Variants in SKOR2 observed in about 807,000 individuals in gnomAD.
SKOR2 encodes the protein LBX1 corepressor 1-like protein.
SKOR2 carries 47 observed loss-of-function variants against 69.1 expected under a neutral mutation model. The ratio of observed to expected loss-of-function variants is 0.68; its 90% CI spans 0.54 to 0.87. The LOEUF (loss-of-function observed/expected upper bound fraction) is 0.87. Among genes scored for constraint, SKOR2 ranks in the 40% least tolerant of loss-of-function variants. SKOR2 has a pLI of 0.00. For missense variants in SKOR2, 1,404 were observed against 1,472.2 expected (o/e 0.95, Z 0.76); for synonymous variants, 717 against 672.6 (o/e 1.07, Z -1.02).
intron 4 of SKOR2, among the ~76,000 whole-genome samples, chr18:47,240,111 C>T (rs2064242497): frequency 6.6e-6 from 1 of 152,080 alleles, no homozygotes; most frequent in African/African-American, 2.4e-5. Flanking sequence ...ATATTAAGTA[C>T]ACTAGAGAAT....
At chr18:47,227,445 C>T (rs2064182726) in intron 6 of SKOR2, among the ~76,000 whole-genome samples, 1 of 140,270 alleles carries the variant, frequency 7.1e-6, no homozygotes, top group African/African-American at 2.7e-5. Flanking sequence ...TCAAGTGATT[C>T]TCCTGCTTCA....
At chr18:47,231,514 G>T (rs1310629429) in intron 4 of SKOR2, among the ~76,000 whole-genome samples, 1 of 152,038 alleles carries the variant, frequency 6.6e-6, no homozygotes, top group Non-Finnish European at 1.5e-5. Context: ...AGCCTGGAGG[G>T]GTTCCCTAAT....
intron 3 of SKOR2, 147 bp downstream of exon 3, chr18:47,245,350 CA>C (rs2064267078): frequency 1.3e-6 from 1 of 746,462 alleles, no homozygotes; most frequent in Non-Finnish European, 2.0e-6. Context: ...CTCTGATATT[CA>C]AAAACAAAAC....
intron 1 of SKOR2, among the ~76,000 whole-genome samples, chr18:47,249,531 G>A (rs1226161986): frequency 1.3e-5 from 2 of 152,214 alleles, no homozygotes; most frequent in African/African-American, 4.8e-5. Flanking sequence ...TATAGGAGCC[G>A]TTGGAATAAA....
intron 4 of SKOR2, among the ~76,000 whole-genome samples, chr18:47,235,780 C>CAAAAAAA (rs11433396): frequency 3.5e-4 from 21 of 59,258 alleles, no homozygotes; most frequent in South Asian, 8.0e-4. Context: ...CACAAACAAG[C>CAAAAAAA]AAAAAAAAAA....
rs534337365 is a variant in SKOR2 at position 47,245,361 on chromosome 18, C to T, written c.2677+137G>A. The T allele has an allele frequency of 6.2e-6, 5 of 803,438 alleles. No individual in the cohort carries two copies. In the South Asian group the frequency reaches 1.3e-4, roughly 20 times the overall value. 49.8% of individuals were successfully genotyped at this position (803,438 alleles called of 1,614,324 possible). A position where few individuals can be genotyped will look rare whatever the true frequency, so the allele number is the denominator to read the frequency against. On this transcript the variant is annotated intron_variant, in intron 3 of 8. Transcript: ENST00000425639. Reference sequence around the variant, plus strand: ...TAAACTCTGATATTCAAAAACAAAACCAAAAAAGAGCCCACAAATCAATGG... The same window carrying T: ...TAAACTCTGATATTCAAAAACAAAATCAAAAAAGAGCCCACAAATCAATGG...
At position 47,247,919 on chromosome 18, in the gene SKOR2, T is replaced by C. The variant is rs1176540515; in HGVS notation, c.1265A>G (p.His422Arg). 5.1e-6 allele frequency: 7 copies of C among 1,366,876 alleles called. No homozygotes were observed. Among genetic ancestry groups the C allele is most frequent in the African/African-American group, 4.6e-5 (3 of 64,840 alleles). The allele number at this position is 1,366,876 out of a possible 1,614,324, so 84.7% of individuals were successfully genotyped here. Residue 422 changes from histidine (H) to arginine (R), a missense_variant, in exon 2 of 9, where the codon CAT becomes CGT. Coordinates refer to ENST00000425639, the MANE Select transcript of SKOR2 (RefSeq NM_001278063.4). The surrounding 1 kb of genome is among the most constrained non-coding windows in gnomAD (Gnocchi z 6.6). ...GGCGGCACCCGCATCCTCTTTCTTA[T>C]GGCACAAGCTGAAGGCGGCGGCCGC... ...PAAAAAFSLC[H>R]KKEDAGAAAE...
chr18:47,238,337 T>A (rs2064234516), intron 4 of SKOR2, among the ~76,000 whole-genome samples: 1 of 148,264 alleles, frequency 6.7e-6, no homozygotes. Flanking sequence ...TTTTTTTTTT[T>A]TTTGAGAGGG....
chr18:47,240,840 C>T (rs993037823), intron 4 of SKOR2, among the ~76,000 whole-genome samples: 2 of 152,084 alleles, frequency 1.3e-5, no homozygotes, highest in African/African-American at 2.4e-5. Flanking sequence ...ATGGTTGCCA[C>T]GGGAGTGAAA....
At chr18:47,225,050 A>G (rs77067328) in intron 6 of SKOR2, among the ~76,000 whole-genome samples, 1,858 of 152,276 alleles carry the variant, frequency 0.012, 18 homozygotes, top group Non-Finnish European at 0.021. Flanking sequence ...AAAAAGAAAG[A>G]AGAAGGAAGG....
In SKOR2 at chr18:47,221,693, C is replaced by G. The variant is rs76280280; in HGVS notation, c.2918-1683G>C. On this transcript the variant is annotated intron_variant, in intron 6 of 8. Coordinates refer to ENST00000425639, the MANE Select transcript of SKOR2 (RefSeq NM_001278063.4). ...TTTACCCATTTTTTTTTGTACTTCT[C>G]CAGCACCCTGTCCATACCTGTATTA... Among the ~76,000 whole-genome samples, 101 of 152,236 alleles carry G rather than the reference C, an allele frequency of 6.6e-4. 1 individual carries two copies. The East Asian group carries it at 0.017, about 26-fold the overall frequency.
chr18:47,244,770 G>A (rs964045413), intron 4 of SKOR2, 138 bp downstream of exon 4: 20 of 653,928 alleles, frequency 3.1e-5, no homozygotes, highest in Non-Finnish European at 4.6e-5. Context: ...TTCCCCATTT[G>A]TGTTTTTCTT....
At chr18:47,243,701 T>A (rs2064258877) in intron 4 of SKOR2, among the ~76,000 whole-genome samples, 1 of 152,296 alleles carries the variant, frequency 6.6e-6, no homozygotes, top group South Asian at 2.1e-4. Flanking sequence ...ATTAGACACT[T>A]AGGGCAAATT....
At position 47,247,775 on chromosome 18, in the gene SKOR2, A is replaced by G; in HGVS notation, c.1409T>C (p.Phe470Ser). 1 of 1,392,114 alleles carries G rather than the reference A, an allele frequency of 7.2e-7. No homozygotes were observed. Among genetic ancestry groups the G allele is most frequent in the South Asian group, 1.6e-5 (1 of 62,894 alleles). The allele number at this position is 1,392,114 out of a possible 1,614,324, so 86.2% of individuals were successfully genotyped here. A position where few individuals can be genotyped will look rare whatever the true frequency, so the allele number is the denominator to read the frequency against. Residue 470 changes from phenylalanine (F) to serine (S), a missense_variant, in exon 2 of 9, where the codon TTC (phenylalanine) becomes TCC (serine). Transcript: ENST00000425639. This position sits in a 1 kb window ranked among gnomAD's most constrained non-coding sequence, Gnocchi z 6.6. The stretch of plus-strand genomic sequence containing the variant: ...CCCGCCAGGGGTCCGCGGCGGCCAG[A>G]ACATGCAGAAGGGCGGATAGAAGGC... Reference protein sequence around the residue: ...KDAFYPPFCMFWPPRTPGGLP... With the variant: ...KDAFYPPFCMSWPPRTPGGLP...
At chr18:47,238,706 GTAT>G (rs2064236226) in intron 4 of SKOR2, among the ~76,000 whole-genome samples, 1 of 152,178 alleles carries the variant, frequency 6.6e-6, no homozygotes, top group Non-Finnish European at 1.5e-5. Flanking sequence ...ATGAAGAAAG[GTAT>G]TATAATTTCG....
At chr18:47,249,343 G>A in intron 1 of SKOR2, 113 bp from the exon 2 acceptor site, 1 of 1,021,234 alleles carries the variant, frequency 9.8e-7, no homozygotes, top group Admixed American at 3.0e-5. Flanking sequence ...GTTAAGACAC[G>A]ATTATTACTG....
chr18:47,208,165 A>T lies in SKOR2; in HGVS notation c.*4-1273T>A, dbSNP rs1007457601. On this transcript the variant is annotated intron_variant, in intron 8 of 8. Coordinates refer to ENST00000425639, the MANE Select transcript of SKOR2 (RefSeq NM_001278063.4). ...AGAAATGGCATCAGATCTGGCACCC[A>T]GTCTCCCTCACCACCAGCTAAGGAC... Among the ~76,000 whole-genome samples, 3 of 152,198 alleles carry T rather than the reference A, an allele frequency of 2.0e-5. No homozygotes were observed. In the South Asian group the frequency reaches 6.2e-4, roughly 31 times the overall value.
Position 47,248,703 on chromosome 18 carries a change from G to A in SKOR2, c.481C>T (p.Pro161Ser), listed in dbSNP as rs753384752. The A allele has an allele frequency of 4.5e-6, 7 of 1,562,098 alleles. No homozygotes were observed. The Admixed American group carries it at 1.1e-4, about 25-fold the overall frequency. ...CAWGCRGSFI[P>S]ARYNSSRAKC... ...GCGCGCGAGCTGTTGTAGCGCGCGG[G>A]AATGAAGCTGCCGCGGCAGCCCCAG... Residue 161 changes from proline to serine, a missense_variant, in exon 2 of 9, where the codon CCC becomes TCC. This residue lies in a region of SKOR2 where 1,266 missense variants were observed against 1,309.9 expected (regional missense o/e 0.97). Transcript: ENST00000425639. The surrounding 1 kb of genome is among the most constrained non-coding windows in gnomAD (Gnocchi z 6.4).
chr18:47,220,600 G>C (rs1600028209), intron 6 of SKOR2, among the ~76,000 whole-genome samples: 1 of 152,130 alleles, frequency 6.6e-6, no homozygotes, highest in East Asian at 1.9e-4. Context: ...CCTTTCTACA[G>C]ACCTTACCTT....
Sources: allele counts gnomAD v4.1 joint callset (sites outside exome capture counted in the v4.1 genomes callset), GRCh38; gene constraint gnomAD v4.1.1; regional missense constraint gnomAD v4.1.1; non-coding constraint Gnocchi (gnomAD v3.1); transcripts MANE v1.5; gene names NCBI Gene and HGNC (gene_info 2026-07-23, HGNC 2026-07-21).